Variants in ARHGAP26 observed in about 807,000 individuals in gnomAD.
ARHGAP26 encodes the protein rho GTPase-activating protein 26.
Under a neutral mutation model 104.8 loss-of-function variants are expected in ARHGAP26, and 38 were observed. That is an observed-to-expected ratio of 0.36 (90% CI 0.28 to 0.48). The LOEUF (loss-of-function observed/expected upper bound fraction) is 0.48, where lower values mean the gene tolerates loss of function less well. Ranked by LOEUF, ARHGAP26 falls within the 20% of genes least tolerant of loss-of-function variation. The pLI is 0.99. For missense variants in ARHGAP26, 704 were observed against 947.9 expected, an observed-to-expected ratio of 0.74 and a Z score of 3.38; for synonymous variants, 341 against 340.0, an observed-to-expected ratio of 1.00 and a Z score of -0.03.
intron 14 of ARHGAP26, among the ~76,000 whole-genome samples, chr5:143,047,528 G>A (rs1257458278): frequency 2.0e-5 from 3 of 152,166 alleles, no homozygotes; most frequent in African/African-American, 4.8e-5. Flanking sequence ...AGGTATGTAC[G>A]TGTTTTCAAG....
At chr5:142,986,376 T>A (rs544760419) in intron 11 of ARHGAP26, among the ~76,000 whole-genome samples, 42 of 152,330 alleles carry the variant, frequency 2.8e-4, no homozygotes, top group African/African-American at 9.1e-4. Context: ...TCTTGTAAAT[T>A]TGTTTAAGTT....
At chr5:142,828,071 G>A (rs981252038) in intron 1 of ARHGAP26, among the ~76,000 whole-genome samples, 1 of 152,192 alleles carries the variant, frequency 6.6e-6, no homozygotes, top group East Asian at 1.9e-4. Flanking sequence ...GGGAATGGAT[G>A]CTTTGCTTTG....
At chr5:142,950,797 G>T (rs903815311) in intron 11 of ARHGAP26, among the ~76,000 whole-genome samples, 8 of 152,158 alleles carry the variant, frequency 5.3e-5, no homozygotes, top group African/African-American at 1.4e-4. Context: ...TAGAAATAAA[G>T]AAAACTGTTC....
intron 11 of ARHGAP26, among the ~76,000 whole-genome samples, chr5:142,970,550 C>T (rs950285464): frequency 6.6e-6 from 1 of 152,202 alleles, no homozygotes; most frequent in African/African-American, 2.4e-5. Flanking sequence ...ACTTCTTCCC[C>T]TATTGTTCCA....
chr5:142,984,994 T>G (rs981816904), intron 11 of ARHGAP26, among the ~76,000 whole-genome samples: 3 of 152,112 alleles, frequency 2.0e-5, no homozygotes, highest in African/African-American at 7.2e-5. Context: ...ATTGTTATCA[T>G]AGACGACAGC....
chr5:142,928,687 C>A (rs573509678), intron 10 of ARHGAP26, among the ~76,000 whole-genome samples: 3 of 152,160 alleles, frequency 2.0e-5, no homozygotes, highest in Non-Finnish European at 4.4e-5. Context: ...CCTTGGTTTT[C>A]TCATCTGCTA....
At chr5:143,065,214 T>C (rs950649280) in intron 17 of ARHGAP26, among the ~76,000 whole-genome samples, 1 of 152,180 alleles carries the variant, frequency 6.6e-6, no homozygotes. Context: ...AGATTTCTTA[T>C]ACATTGGCCT....
intron 1 of ARHGAP26, among the ~76,000 whole-genome samples, chr5:142,812,088 C>G (rs1764187349): frequency 6.6e-6 from 1 of 152,154 alleles, no homozygotes; most frequent in East Asian, 1.9e-4. Context: ...AAGGCTCCCC[C>G]TCCCCACCCC....
At chr5:143,145,391 G>C (rs1799034134) in intron 19 of ARHGAP26, among the ~76,000 whole-genome samples, 1 of 152,144 alleles carries the variant, frequency 6.6e-6, no homozygotes, top group South Asian at 2.1e-4. Flanking sequence ...TCCAGTTGAA[G>C]CCCAGGGAAC....
At position 143,040,445 on chromosome 5, in the gene ARHGAP26, G is replaced by A. The variant is rs116703403; in HGVS notation, c.1211-1371G>A. ...CCAAGTATTTTATACTGGCCTTGATGGAGTATAATCTCGTGTTTTGTTTAT... is the reference window on the plus strand; with the variant it reads ...CCAAGTATTTTATACTGGCCTTGATAGAGTATAATCTCGTGTTTTGTTTAT... On this transcript the variant is annotated intron_variant, in intron 13 of 22. Coordinates refer to ENST00000645722, the MANE Select transcript of ARHGAP26 (RefSeq NM_001135608.3). Among the ~76,000 whole-genome samples, 807 of 152,212 alleles carry A rather than the reference G, an allele frequency of 5.3e-3. 16 individuals are homozygous for A. The highest frequency in any genetic ancestry group is 0.018 in the African/African-American group (756 of 41,530).
chr5:142,821,300 G>GTT (rs71576157), intron 1 of ARHGAP26, among the ~76,000 whole-genome samples: 13 of 106,354 alleles, frequency 1.2e-4, no homozygotes, highest in Non-Finnish European at 1.5e-4. Context: ...AGGTAGAGTG[G>GTT]TTTTTTTTTT....
At chr5:142,908,977 T>G (rs1761482873) in intron 9 of ARHGAP26, 1 of 164,040 alleles carries the variant, frequency 6.1e-6, no homozygotes, top group African/African-American at 2.4e-5. Context: ...ATTTTCTTCC[T>G]TTGATATTCT....
intron 18 of ARHGAP26, among the ~76,000 whole-genome samples, chr5:143,124,984 C>T (rs1310843772): frequency 6.6e-6 from 1 of 152,188 alleles, no homozygotes; most frequent in Non-Finnish European, 1.5e-5. Context: ...TTTTATTCAA[C>T]CAGGAGCCTC....
intron 20 of ARHGAP26, among the ~76,000 whole-genome samples, chr5:143,188,064 C>T (rs573178166): frequency 9.2e-5 from 14 of 152,218 alleles, no homozygotes; most frequent in Non-Finnish European, 1.8e-4. Context: ...TTGACCAAAT[C>T]TCAGATTAGC....
chr5:142,964,880 G>A (rs563934718), intron 11 of ARHGAP26, among the ~76,000 whole-genome samples: 2 of 152,276 alleles, frequency 1.3e-5, no homozygotes, highest in East Asian at 1.9e-4. Context: ...AGCTGGGCCC[G>A]GGGGACCACT....
At chr5:142,911,833 A>G (rs1761875205) in intron 9 of ARHGAP26, among the ~76,000 whole-genome samples, 3 of 152,244 alleles carry the variant, frequency 2.0e-5, no homozygotes, top group South Asian at 2.1e-4. Context: ...GTTTGCACTC[A>G]GATATTTTAC....
chr5:143,123,137 T>A (rs929104475), intron 18 of ARHGAP26, among the ~76,000 whole-genome samples: 1 of 152,206 alleles, frequency 6.6e-6, no homozygotes, highest in African/African-American at 2.4e-5. Flanking sequence ...TTCATTCCCT[T>A]GTGTAGCCCC....
chr5:142,953,639 C>A (rs1220867129), intron 11 of ARHGAP26, among the ~76,000 whole-genome samples: 1 of 152,144 alleles, frequency 6.6e-6, no homozygotes. Context: ...TTGGGACTTG[C>A]CAAAATTAAG....
intron 14 of ARHGAP26, among the ~76,000 whole-genome samples, chr5:143,042,194 C>T (rs1353910729): frequency 6.6e-6 from 1 of 152,182 alleles, no homozygotes; most frequent in East Asian, 1.9e-4. Flanking sequence ...ACACCCTACT[C>T]TGTCTTTAAT....
Sources: gnomAD v4.1 joint callset for allele counts (sites outside exome capture counted in the v4.1 genomes callset) on GRCh38, gnomAD v4.1.1 for gene constraint, MANE v1.5 for transcripts, NCBI Gene and HGNC (gene_info 2026-07-23, HGNC 2026-07-21) for gene names.